The following GADD45B variants were observed in gnomAD, a reference collection of about 807,000 sequenced individuals.
GADD45B encodes the protein growth arrest and DNA damage-inducible protein GADD45 beta.
GADD45B carries 8 observed loss-of-function variants against 15.2 expected under a neutral mutation model. The observed-to-expected ratio is 0.53, with a 90% CI of 0.31 to 0.95. The LOEUF is 0.95. GADD45B is among the 40% of genes least tolerant of loss of function. GADD45B has a pLI of 0.05. For missense variants in GADD45B, 162 were observed against 216.6 expected, an observed-to-expected ratio of 0.75 and a Z score of 1.58; for synonymous variants, 100 against 89.8, an observed-to-expected ratio of 1.11 and a Z score of -0.64.
Position 2,477,354 on chromosome 19 carries a change from C to T in GADD45B, c.369+103C>T. On this transcript the variant is annotated intron_variant, in intron 3 of 3. Transcript: ENST00000215631. This position sits in a 1 kb window ranked among gnomAD's most constrained non-coding sequence, Gnocchi z 4.2. ...TCCTGCACAGCTCAGCGCTCAGCCA[C>T]GTTTGGCATGTCCCGTGGGCAGCCG... is the stretch of plus-strand genomic sequence containing the variant. 9.7e-7 allele frequency: 1 copy of T among 1,027,168 alleles called. No individual in the cohort carries two copies. The highest frequency in any genetic ancestry group is 1.4e-6 in the Non-Finnish European group (1 of 704,448). The allele number at this position is 1,027,168 out of a possible 1,614,324, so 63.6% of individuals were successfully genotyped here.
In GADD45B at chr19:2,477,811, GGCC is replaced by G. The variant is rs1199583770; in HGVS notation, c.*215_*217del. On this transcript the variant is annotated 3_prime_UTR_variant, in exon 4 of 4. Transcript: ENST00000215631. The surrounding 1 kb of genome is among the most constrained non-coding windows in gnomAD (Gnocchi z 4.2). ...CCAGGGCGGAGATCCAGGAGCTGGC[GGCC>G]GCCGATCCGATGGAGAAGGGGGGAC... The G allele has an allele frequency of 2.3e-6, 1 of 436,032 alleles. No individual in the cohort carries two copies. The highest frequency in any genetic ancestry group is 4.2e-6 in the Non-Finnish European group (1 of 238,102). The allele number at this position is 436,032 out of a possible 1,614,324, so 27.0% of individuals were successfully genotyped here. A position where few individuals can be genotyped will look rare whatever the true frequency, so the allele number is the denominator to read the frequency against.
chr19:2,477,204 A>T lies in GADD45B; in HGVS notation c.322A>T (p.Thr108Ser). 8 of 1,605,876 alleles carry T rather than the reference A, an allele frequency of 5.0e-6. No individual in the cohort carries two copies. The highest frequency in any genetic ancestry group is 6.8e-6 in the Non-Finnish European group (8 of 1,178,730). ...GCAGCTCCTGGGAGAGCCGGCCGAG[A>T]CCCAGGGCACCACCGAGGCCCGAGA... Reference protein sequence around the residue: ...LAQLLGEPAETQGTTEARDLH... With the variant: ...LAQLLGEPAESQGTTEARDLH... Residue 108 changes from threonine (T) to serine (S), a missense_variant, in exon 3 of 4, where the codon ACC (threonine) becomes TCC (serine). Thr to Ser is a moderately conservative substitution (Grantham distance 58, BLOSUM62 1). Coordinates refer to ENST00000215631, the MANE Select transcript of GADD45B (RefSeq NM_015675.4). The surrounding 1 kb of genome is among the most constrained non-coding windows in gnomAD (Gnocchi z 4.2).
intron 1 of GADD45B, 61 bp downstream of exon 1, chr19:2,476,463 CG>C (rs1258857380): frequency 4.4e-6 from 7 of 1,602,092 alleles, no homozygotes; most frequent in Non-Finnish European, 5.1e-6. Context: ...CGGGTTGGGC[CG>C]GGCCGGGAGC....
Position 2,477,300 on chromosome 19 carries a change from G to C in GADD45B, c.369+49G>C. 7.5e-7 allele frequency: 1 copy of C among 1,333,196 alleles called. No individual in the cohort carries two copies. The highest frequency in any genetic ancestry group is 1.0e-6 in the Non-Finnish European group (1 of 974,886). The allele number at this position is 1,333,196 out of a possible 1,614,324, so 82.6% of individuals were successfully genotyped here. On this transcript the variant is annotated intron_variant, in intron 3 of 3. Transcript: ENST00000215631. The surrounding 1 kb of genome is among the most constrained non-coding windows in gnomAD (Gnocchi z 4.2). ...CCGCCACGCCCGGGCACCTGGGCCG[G>C]TGTTTGTCAACAAAGTCGGGCTGAC...
At chr19:2,476,992 C>G in intron 2 of GADD45B, 37 bp from the exon 3 acceptor site, 20 of 1,432,436 alleles carry the variant, frequency 1.4e-5, no homozygotes, top group Non-Finnish European at 2.0e-5. Flanking sequence ...CCTCCCCTGT[C>G]CCCGGCTGAC....
At position 2,476,219 on chromosome 19, in the gene GADD45B, G is replaced by T; in HGVS notation, c.-140G>T. ...GCAATATATTTTTCCGCCTTTTCTGGAAGGATTTCGCTGCTTCCCGAAGGT... is the reference window on the plus strand; with the variant it reads ...GCAATATATTTTTCCGCCTTTTCTGTAAGGATTTCGCTGCTTCCCGAAGGT... On this transcript the variant is annotated 5_prime_UTR_variant, in exon 1 of 4. Transcript: ENST00000215631. 2 of 805,956 alleles carry T rather than the reference G, an allele frequency of 2.5e-6. No individual in the cohort carries two copies. Among genetic ancestry groups the T allele is most frequent in the African/African-American group, 1.7e-5 (1 of 58,782 alleles). 49.9% of individuals were successfully genotyped at this position (805,956 alleles called of 1,614,324 possible).
chr19:2,477,327 G>A lies in GADD45B; in HGVS notation c.369+76G>A. On this transcript the variant is annotated intron_variant, in intron 3 of 3. Transcript: ENST00000215631. This position sits in a 1 kb window ranked among gnomAD's most constrained non-coding sequence, Gnocchi z 4.2. Reference sequence around the variant, plus strand: ...GTTTGTCAACAAAGTCGGGCTGACTGGTCCTGCACAGCTCAGCGCTCAGCC... The same window carrying A: ...GTTTGTCAACAAAGTCGGGCTGACTAGTCCTGCACAGCTCAGCGCTCAGCC... The A allele has an allele frequency of 9.0e-7, 1 of 1,107,830 alleles. No individual in the cohort carries two copies. The highest frequency in any genetic ancestry group is 1.5e-5 in the South Asian group (1 of 67,092). 68.6% of individuals were successfully genotyped at this position (1,107,830 alleles called of 1,614,324 possible).
rs752336224 is a variant in GADD45B at position 2,476,187 on chromosome 19, G to A, written c.-172G>A. ...CAACTTCCTGGATTATCCTCGCCAA[G>A]GACTTTGCAATATATTTTTCCGCCT... On this transcript the variant is annotated 5_prime_UTR_variant, in exon 1 of 4. Transcript: ENST00000215631. 11 of 692,752 alleles carry A rather than the reference G, an allele frequency of 1.6e-5. No individual in the cohort carries two copies. Among genetic ancestry groups the A allele is most frequent in the Non-Finnish European group, 2.8e-5 (11 of 391,648 alleles). The allele number at this position is 692,752 out of a possible 1,614,324, so 42.9% of individuals were successfully genotyped here.
chr19:2,477,492 C>G lies in GADD45B; in HGVS notation c.374C>G (p.Pro125Arg). Residue 125 changes from proline (P) to arginine (R), a missense_variant, in exon 4 of 4, where the codon CCT (proline) becomes CGT (arginine). Coordinates refer to ENST00000215631, the MANE Select transcript of GADD45B (RefSeq NM_015675.4). This position sits in a 1 kb window ranked among gnomAD's most constrained non-coding sequence, Gnocchi z 4.2. The stretch of plus-strand genomic sequence containing the variant: ...CCCTTCTTTTCCCTCCTACAGAACC[C>G]TCACACGGACGCCTGGAAGAGCCAC... The part of the protein sequence containing the change: ...RDLHCLLVTN[P>R]HTDAWKSHGL... 6.2e-7 allele frequency: 1 copy of G among 1,609,672 alleles called. No homozygotes were observed. Among genetic ancestry groups the G allele is most frequent in the South Asian group, 1.1e-5 (1 of 90,948 alleles).
rs1181861654 is a variant in GADD45B, at chr19:2,478,128, G to A, written c.*527G>A. The A allele has an allele frequency of 6.6e-6, 1 of 152,438 alleles. No individual in the cohort carries two copies. The highest frequency in any genetic ancestry group is 1.5e-5 in the Non-Finnish European group (1 of 68,150). The allele number at this position is 152,438 out of a possible 1,614,324, so 9.4% of individuals were successfully genotyped here. A position where few individuals can be genotyped will look rare whatever the true frequency, so the allele number is the denominator to read the frequency against. ...CTCTGTACCCATGAACTCCCAGTTT[G>A]CGAATTATAGAGACAATCTATTTTG... is the stretch of plus-strand genomic sequence containing the variant. On this transcript the variant is annotated 3_prime_UTR_variant, in exon 4 of 4. Transcript: ENST00000215631.
rs1422843231 is a variant in GADD45B, at chr19:2,477,082, A to T, written c.200A>T (p.Asp67Val). ...CLLAIDEEEEDDIALQIHFTL... is the reference protein window; with the variant it reads ...CLLAIDEEEEVDIALQIHFTL... ...TTGGCCATTGACGAGGAGGAGGAGG[A>T]TGACATCGCCCTGCAAATCCACTTC... The change falls in exon 3 of 4, where the codon GAT becomes GTT. Residue 67 changes from aspartate to valine, a missense_variant. Transcript: ENST00000215631. This position sits in a 1 kb window ranked among gnomAD's most constrained non-coding sequence, Gnocchi z 4.2. 1 of 1,613,702 alleles carries T rather than the reference A, an allele frequency of 6.2e-7. No homozygotes were observed. The highest frequency in any genetic ancestry group is 1.7e-5 in the Admixed American group (1 of 59,990).
Position 2,477,345 on chromosome 19 carries a change from GC to G in GADD45B, c.369+95del. On this transcript the variant is annotated intron_variant, in intron 3 of 3. Coordinates refer to ENST00000215631, the MANE Select transcript of GADD45B (RefSeq NM_015675.4). This position sits in a 1 kb window ranked among gnomAD's most constrained non-coding sequence, Gnocchi z 4.2. ...GCTGACTGGTCCTGCACAGCTCAGC[GC>G]TCAGCCACGTTTGGCATGTCCCGTG... The G allele has an allele frequency of 9.6e-7, 1 of 1,045,028 alleles. No homozygotes were observed. Among genetic ancestry groups the G allele is most frequent in the Non-Finnish European group, 1.4e-6 (1 of 722,250 alleles). The allele number at this position is 1,045,028 out of a possible 1,614,324, so 64.7% of individuals were successfully genotyped here. A position where few individuals can be genotyped will look rare whatever the true frequency, so the allele number is the denominator to read the frequency against.
Position 2,477,075 on chromosome 19 carries a change from G to A in GADD45B, c.193G>A (p.Glu65Lys). ...CTGCCTCTTGGCCATTGACGAGGAG[G>A]AGGAGGATGACATCGCCCTGCAAAT... Reference protein sequence around the residue: ...VLCLLAIDEEEEDDIALQIHF... With the variant: ...VLCLLAIDEEKEDDIALQIHF... Residue 65 changes from glutamate (E) to lysine (K), a missense_variant, in exon 3 of 4, where the codon GAG becomes AAG. Physicochemically the swap from Glu to Lys is moderately conservative, Grantham distance 56 (BLOSUM62 1). Transcript: ENST00000215631. The surrounding 1 kb of genome is among the most constrained non-coding windows in gnomAD (Gnocchi z 4.2). 6.2e-7 allele frequency: 1 copy of A among 1,614,018 alleles called. No individual in the cohort carries two copies. Among genetic ancestry groups the A allele is most frequent in the Non-Finnish European group, 8.5e-7 (1 of 1,179,954 alleles).
intron 2 of GADD45B, 162 bp from the exon 3 acceptor site, chr19:2,476,867 G>C: frequency 1.6e-6 from 1 of 616,226 alleles, no homozygotes; most frequent in South Asian, 1.9e-5. Flanking sequence ...TTTGAACCGT[G>C]TGCCCTCCCC....
At position 2,477,547 on chromosome 19, in the gene GADD45B, A is replaced by G. The variant is rs1015491114; in HGVS notation, c.429A>G (p.Glu143=). 4.3e-6 allele frequency: 7 copies of G among 1,613,786 alleles called. No homozygotes were observed. In the African/African-American group the frequency reaches 5.3e-5, roughly 12 times the overall value. ...TGGTGGAGGTGGCCAGCTACTGCGAAGAAAGCCGGGGCAACAACCAGTGGG... is the reference window on the plus strand; with the variant it reads ...TGGTGGAGGTGGCCAGCTACTGCGAGGAAAGCCGGGGCAACAACCAGTGGG... ...HGLVEVASYC[E]ESRGNNQWVP... is the part of the protein sequence containing the mutation. The change falls in exon 4 of 4, where the codon GAA becomes GAG. Residue 143 remains glutamate, a synonymous_variant. Transcript: ENST00000215631. This position sits in a 1 kb window ranked among gnomAD's most constrained non-coding sequence, Gnocchi z 4.2.
In GADD45B at chr19:2,477,032, C is replaced by A. The variant is rs530933483; in HGVS notation, c.150C>A (p.Asp50Glu). The A allele has an allele frequency of 1.2e-6, 2 of 1,610,746 alleles. No individual in the cohort carries two copies. The highest frequency in any genetic ancestry group is 4.5e-5 in the East Asian group (2 of 44,866). ...CCCTACCCTTTGGCCCCCTCAGGGACCCAGACAGCGTGGTCCTCTGCCTCT... is the reference window on the plus strand; with the variant it reads ...CCCTACCCTTTGGCCCCCTCAGGGAACCAGACAGCGTGGTCCTCTGCCTCT... ...VYESAKLMNV[D>E]PDSVVLCLLA... Residue 50 changes from aspartate (D) to glutamate (E), a missense_variant, in exon 3 of 4, where the codon GAC (aspartate) becomes GAA (glutamate). Asp to Glu is a conservative substitution (Grantham distance 45). Transcript: ENST00000215631. This position sits in a 1 kb window ranked among gnomAD's most constrained non-coding sequence, Gnocchi z 4.2.
Position 2,477,083 on chromosome 19 carries a change from T to C in GADD45B, c.201T>C (p.Asp67=). Residue 67 remains aspartate (D), a synonymous_variant, in exon 3 of 4, where the codon GAT becomes GAC. Transcript: ENST00000215631. The surrounding 1 kb of genome is among the most constrained non-coding windows in gnomAD (Gnocchi z 4.2). ...CLLAIDEEEE[D]DIALQIHFTL... is the part of the protein sequence containing the mutation. ...TGGCCATTGACGAGGAGGAGGAGGA[T>C]GACATCGCCCTGCAAATCCACTTCA... 1 of 1,613,746 alleles carries C rather than the reference T, an allele frequency of 6.2e-7. No individual in the cohort carries two copies. Among genetic ancestry groups the C allele is most frequent in the Non-Finnish European group, 8.5e-7 (1 of 1,179,820 alleles).
At position 2,476,163 on chromosome 19, in the gene GADD45B, A is replaced by G. The variant is rs751946707; in HGVS notation, c.-196A>G. On this transcript the variant is annotated 5_prime_UTR_variant, in exon 1 of 4. Coordinates refer to ENST00000215631, the MANE Select transcript of GADD45B (RefSeq NM_015675.4). ...GCGTCGGACTACCGTTGGTTTCCGC[A>G]ACTTCCTGGATTATCCTCGCCAAGG... is the stretch of plus-strand genomic sequence containing the variant. 78 of 628,766 alleles carry G rather than the reference A, an allele frequency of 1.2e-4. 1 individual carries two copies. The highest frequency in any genetic ancestry group is 8.3e-4 in the Middle Eastern group (2 of 2,412). 38.9% of individuals were successfully genotyped at this position (628,766 alleles called of 1,614,324 possible).
In GADD45B at chr19:2,477,050, C is replaced by T; in HGVS notation, c.168C>T (p.Leu56=). The T allele has an allele frequency of 6.2e-7, 1 of 1,613,694 alleles. No homozygotes were observed. The highest frequency in any genetic ancestry group is 8.5e-7 in the Non-Finnish European group (1 of 1,179,766). Residue 56 remains leucine (L), a synonymous_variant, in exon 3 of 4, where the codon CTC becomes CTT. Coordinates refer to ENST00000215631, the MANE Select transcript of GADD45B (RefSeq NM_015675.4). This position sits in a 1 kb window ranked among gnomAD's most constrained non-coding sequence, Gnocchi z 4.2. ...TCAGGGACCCAGACAGCGTGGTCCTCTGCCTCTTGGCCATTGACGAGGAGG... is the reference window on the plus strand; with the variant it reads ...TCAGGGACCCAGACAGCGTGGTCCTTTGCCTCTTGGCCATTGACGAGGAGG... ...LMNVDPDSVV[L]CLLAIDEEEE...
Sources: gnomAD v4.1 joint callset for allele counts on GRCh38, gnomAD v4.1.1 for gene constraint, Gnocchi (gnomAD v3.1) non-coding constraint, MANE v1.5 for transcripts, NCBI Gene and HGNC (gene_info 2026-07-23, HGNC 2026-07-21) for gene names.